Variants in GPC4 observed in about 807,000 individuals in gnomAD.
The protein encoded by GPC4 is glypican-4.
Under a neutral mutation model 35.0 loss-of-function variants are expected in GPC4, and 10 were observed. The observed-to-expected ratio is 0.29, with a 90% CI of 0.18 to 0.48. GPC4 has a LOEUF of 0.48. Ranked by LOEUF, GPC4 falls within the 20% of genes least tolerant of loss-of-function variation. GPC4 has a pLI of 0.99. For missense variants in GPC4, 322 were observed against 451.3 expected (o/e 0.71, Z 2.60); for synonymous variants, 167 against 170.2 (o/e 0.98, Z 0.15).
intron 3 of GPC4, among the ~76,000 whole-genome samples, chrX:133,322,051 G>A (rs2068367403): frequency 9.0e-6 from 1 of 111,499 alleles, no homozygotes; most frequent in Non-Finnish European, 1.9e-5. Flanking sequence ...CCATTCTTTA[G>A]AATCTTTATC....
chrX:133,333,996 T>G (rs2068431787), intron 2 of GPC4, among the ~76,000 whole-genome samples: 1 of 112,274 alleles, frequency 8.9e-6, no homozygotes, highest in Non-Finnish European at 1.9e-5. Context: ...ATTATCTATA[T>G]AGGTAGAAAA....
chrX:133,355,664 T>C (rs780280875), intron 1 of GPC4, among the ~76,000 whole-genome samples: 7 of 111,791 alleles, frequency 6.3e-5, no homozygotes, highest in Non-Finnish European at 1.3e-4. Context: ...GTTTTGGATG[T>C]GTGCACCATC....
In GPC4 at chrX:133,373,600, G is replaced by T. The variant is rs144703066; in HGVS notation, c.161-34259C>A. Among the ~76,000 whole-genome samples the T allele has an allele frequency of 8.6e-3, 959 of 111,372 alleles. 13 individuals are homozygous for T. Among genetic ancestry groups the T allele is most frequent in the African/African-American group, 0.03 (916 of 30,634 alleles). ...CTCAAGGGAACTTCCAGTTCTTGGG[G>T]TTTCCCATCACCAGGGCTCAGGGGC... On this transcript the variant is annotated intron_variant, in intron 1 of 8. Coordinates refer to ENST00000370828, the MANE Select transcript of GPC4 (RefSeq NM_001448.3).
chrX:133,414,523 G>A (rs1986574472), intron 1 of GPC4: 1 of 754,571 alleles, frequency 1.3e-6, no homozygotes, highest in Non-Finnish European at 1.6e-6. Flanking sequence ...GGGGAGAGGA[G>A]GAGCGGAGGC....
Position 133,354,556 on chromosome X carries a change from A to ATTTT in GPC4, c.161-15216_161-15215insAAAA, listed in dbSNP as rs1569348986. On this transcript the variant is annotated intron_variant, in intron 1 of 8. Transcript: ENST00000370828. ...AAGGTCATGTTTTATTTATTTATTT[A>ATTTT]TTTATTTATTTATTTTTTTTTTTGA... Among the ~76,000 whole-genome samples, 137 of 91,261 alleles carry ATTTT rather than the reference A, an allele frequency of 1.5e-3. 1 individual carries two copies. Among genetic ancestry groups the ATTTT allele is most frequent in the African/African-American group, 5.9e-3 (113 of 19,303 alleles). 79.2% of individuals were successfully genotyped at this position (91,261 alleles called of 115,157 possible).
rs995703246 is a variant in GPC4 at position 133,320,585 on chromosome X, T to C, written c.711+3560A>G. ...GTTGCAGTGAGTCGAGATTGCGCCA[T>C]TGCACTCCAGCCTGGGCAGCAAGAG... is the stretch of plus-strand genomic sequence containing the variant. On this transcript the variant is annotated intron_variant, in intron 3 of 8. Transcript: ENST00000370828. 3.1e-5 allele frequency among the ~76,000 whole-genome samples: 3 copies of C among 95,317 alleles called. No individual in the cohort carries two copies. The East Asian group carries it at 9.7e-4, about 31-fold the overall frequency. The allele number at this position is 95,317 out of a possible 115,157, so 82.8% of individuals were successfully genotyped here.
chrX:133,315,445 C>T (rs2068333875), intron 3 of GPC4, among the ~76,000 whole-genome samples: 1 of 110,349 alleles, frequency 9.1e-6, no homozygotes, highest in Non-Finnish European at 1.9e-5. Flanking sequence ...CTATTAGGGG[C>T]AAATCTCTCA....
chrX:133,307,334 C>G (rs2068294973), intron 4 of GPC4, among the ~76,000 whole-genome samples: 1 of 112,179 alleles, frequency 8.9e-6, no homozygotes, highest in Non-Finnish European at 1.9e-5. Context: ...ATCAATGAAA[C>G]CAAATCTAGT....
At position 133,398,712 on chromosome X, in the gene GPC4, G is replaced by T. The variant is rs1429638809; in HGVS notation, c.160+16094C>A. On this transcript the variant is annotated intron_variant, in intron 1 of 8. Transcript: ENST00000370828. ...GAACCCGGGAGGTGGAAGTTGCAGT[G>T]AGACAAGATTGTGCCACTGCACTTT... 2.8e-5 allele frequency among the ~76,000 whole-genome samples: 3 copies of T among 108,654 alleles called. No homozygotes were observed. The Admixed American group carries it at 3.0e-4, about 11-fold the overall frequency. The allele number at this position is 108,654 out of a possible 115,157, so 94.4% of individuals were successfully genotyped here. A position where few individuals can be genotyped will look rare whatever the true frequency, so the allele number is the denominator to read the frequency against.
intron 2 of GPC4, among the ~76,000 whole-genome samples, chrX:133,329,478 C>T (rs1034580878): frequency 1.8e-5 from 2 of 111,386 alleles, no homozygotes; most frequent in Non-Finnish European, 3.8e-5. Flanking sequence ...AAATTGGGAA[C>T]TGTTTATCCT....
chrX:133,395,870 G>A (rs1216014562), intron 1 of GPC4, among the ~76,000 whole-genome samples: 1 of 110,746 alleles, frequency 9.0e-6, no homozygotes, highest in Non-Finnish European at 1.9e-5. Context: ...AATCAATATT[G>A]ACTGATTAAA....
rs2068600079 is a variant in GPC4, at chrX:133,368,733, C to T, written c.161-29392G>A. On this transcript the variant is annotated intron_variant, in intron 1 of 8. Coordinates refer to ENST00000370828, the MANE Select transcript of GPC4 (RefSeq NM_001448.3). ...AATCTTGGCTCACTGCAACCTCTGC[C>T]TACCGGGTTCAAGACATTCTCCTGC... is the stretch of plus-strand genomic sequence containing the variant. Among the ~76,000 whole-genome samples the T allele has an allele frequency of 2.7e-5, 3 of 110,890 alleles. No individual in the cohort carries two copies. The South Asian group carries it at 1.2e-3, about 43-fold the overall frequency.
intron 1 of GPC4, among the ~76,000 whole-genome samples, chrX:133,376,427 G>C (rs900408718): frequency 6.2e-5 from 7 of 112,591 alleles, no homozygotes; most frequent in African/African-American, 2.3e-4. Context: ...ATGTGTGCTT[G>C]TGTGTGCATG....
intron 1 of GPC4, among the ~76,000 whole-genome samples, chrX:133,401,061 G>C (rs753494867): frequency 9.0e-6 from 1 of 111,325 alleles, no homozygotes; most frequent in East Asian, 2.8e-4. Context: ...AAAATAAGAA[G>C]TGCAAAGGCC....
intron 1 of GPC4, among the ~76,000 whole-genome samples, chrX:133,340,517 T>C (rs754928747): frequency 8.9e-6 from 1 of 112,056 alleles, no homozygotes; most frequent in South Asian, 3.8e-4. Flanking sequence ...CATGTGAACC[T>C]GTCAATGGTA....
At chrX:133,393,168 A>G (rs2068727503) in intron 1 of GPC4, among the ~76,000 whole-genome samples, 1 of 112,277 alleles carries the variant, frequency 8.9e-6, no homozygotes, top group South Asian at 3.7e-4. Flanking sequence ...AGAAACAATG[A>G]CACTGCTTTC....
Position 133,311,439 on chromosome X carries a change from A to T in GPC4, c.712-16T>A. The T allele has an allele frequency of 8.3e-7, 1 of 1,204,279 alleles. No homozygotes were observed. Among genetic ancestry groups the T allele is most frequent in the Non-Finnish European group, 1.1e-6 (1 of 889,424 alleles). ...TGGGGTTTACCTAATGTGTGAAAAG[A>T]AAAAAAGACAGTAGTGGCGGGGCTA... On this transcript the variant is annotated splice_polypyrimidine_tract_variant and intron_variant, in intron 3 of 8. Coordinates refer to ENST00000370828, the MANE Select transcript of GPC4 (RefSeq NM_001448.3).
chrX:133,373,388 G>GACACACAC (rs745387266), intron 1 of GPC4, among the ~76,000 whole-genome samples: 1,661 of 107,099 alleles, frequency 0.016, 39 homozygotes, highest in African/African-American at 0.054. Flanking sequence ...GGTTATTGAA[G>GACACACAC]ACACACACAC....
At chrX:133,353,757 G>C (rs777711691) in intron 1 of GPC4, among the ~76,000 whole-genome samples, 6 of 110,741 alleles carry the variant, frequency 5.4e-5, no homozygotes, top group African/African-American at 2.0e-4. Context: ...AGGAGAAAGG[G>C]AGAAAAAAAA....
Sources: allele counts gnomAD v4.1 joint callset (sites outside exome capture counted in the v4.1 genomes callset), GRCh38; gene constraint gnomAD v4.1.1; transcripts MANE v1.5; gene names NCBI Gene and HGNC (gene_info 2026-07-23, HGNC 2026-07-21).